SVEP1: variants seen among roughly 807,000 people sequenced by gnomAD.
SVEP1 encodes the protein sushi, von Willebrand factor type A, EGF and pentraxin domain containing 1.
A neutral mutation model predicts 367.3 loss-of-function variants in SVEP1; 164 were observed. The observed-to-expected ratio is 0.45, with a 90% confidence interval of 0.39 to 0.51. The LOEUF (loss-of-function observed/expected upper bound fraction) is 0.51, where lower values mean the gene tolerates loss of function less well. SVEP1 is among the 20% of genes least tolerant of loss of function. The pLI is 0.00. For missense variants in SVEP1, 4,117 were observed against 4,425.3 expected, an observed-to-expected ratio of 0.93 and a Z score of 1.98; for synonymous variants, 1,666 against 1,611.6, an observed-to-expected ratio of 1.03 and a Z score of -0.81.
chr9:110,463,770 A>G (rs890954300), intron 18 of SVEP1, among the ~76,000 whole-genome samples: 1 of 152,020 alleles, frequency 6.6e-6, no homozygotes, highest in African/African-American at 2.4e-5. Context: ...AAAGGAGTTA[A>G]AAACTAACAA....
intron 18 of SVEP1, among the ~76,000 whole-genome samples, chr9:110,459,411 T>C (rs1828824933): frequency 6.6e-6 from 1 of 152,194 alleles, no homozygotes; most frequent in Admixed American, 6.5e-5. Flanking sequence ...GATTATTGAA[T>C]AGTATAGATT....
intron 1 of SVEP1, among the ~76,000 whole-genome samples, chr9:110,574,246 A>T (rs1304586986): frequency 6.6e-6 from 1 of 152,372 alleles, no homozygotes; most frequent in African/African-American, 2.4e-5. Context: ...CAGTGTGCCT[A>T]TGCACCATAC....
chr9:110,499,297 G>A, intron 6 of SVEP1, 59 bp from the exon 7 acceptor site: 1 of 1,496,210 alleles, frequency 6.7e-7, no homozygotes, highest in Non-Finnish European at 9.1e-7. Flanking sequence ...AAATGCCATG[G>A]ATTCTTTTTA....
chr9:110,578,928 G>C (rs919903739), intron 1 of SVEP1, 85 bp downstream of exon 1: 14 of 1,461,498 alleles, frequency 9.6e-6, no homozygotes, highest in Non-Finnish European at 1.2e-5. Context: ...GCCCAGGACT[G>C]AACCCCGGGA....
At chr9:110,425,544 T>C (rs1828241001) in intron 36 of SVEP1, among the ~76,000 whole-genome samples, 1 of 152,232 alleles carries the variant, frequency 6.6e-6, no homozygotes, top group Admixed American at 6.5e-5. Context: ...TAATACTTCT[T>C]CTGCCAAACT....
At chr9:110,513,689 G>A (rs944953785) in intron 4 of SVEP1, among the ~76,000 whole-genome samples, 9 of 152,016 alleles carry the variant, frequency 5.9e-5, no homozygotes, top group Non-Finnish European at 1.0e-4. Flanking sequence ...CATTTTAAAT[G>A]TTTTCCAAGT....
Position 110,558,333 on chromosome 9 carries a change from C to CAA in SVEP1, c.532-8231_532-8230dup, listed in dbSNP as rs60516091. 7.1e-3 allele frequency among the ~76,000 whole-genome samples: 629 copies of CAA among 88,312 alleles called. 6 individuals carry two copies. The highest frequency in any genetic ancestry group is 0.02 in the South Asian group (53 of 2,592). 57.9% of individuals were successfully genotyped at this position (88,312 alleles called of 152,430 possible). ...GCAACATGGAGAAACCCTGTCTCTA[C>CAA]AAAAAAAAAAAAAAAAAAAAATTGC... On this transcript the variant is annotated intron_variant, in intron 1 of 47. Transcript: ENST00000374469.
intron 40 of SVEP1, among the ~76,000 whole-genome samples, chr9:110,390,353 A>AG (rs1554710777): frequency 5.8e-5 from 3 of 51,500 alleles, no homozygotes; most frequent in East Asian, 3.1e-4. Context: ...ATATACACTT[A>AG]TATATATATA....
At chr9:110,472,746 T>C (rs1296867653) in intron 14 of SVEP1, among the ~76,000 whole-genome samples, 2 of 152,226 alleles carry the variant, frequency 1.3e-5, no homozygotes, top group Non-Finnish European at 2.9e-5. Context: ...TATACATAAA[T>C]AGATCTCCTC....
At chr9:110,543,299 T>C (rs1830176534) in intron 3 of SVEP1, among the ~76,000 whole-genome samples, 1 of 152,152 alleles carries the variant, frequency 6.6e-6, no homozygotes, top group African/African-American at 2.4e-5. Context: ...CTATATAATT[T>C]AAATCTTGTA....
At position 110,566,752 on chromosome 9, in the gene SVEP1, G is replaced by T. The variant is rs74792194; in HGVS notation, c.531+12261C>A. ...TGCAATATTGAGGAGAACATTACAGGAGTGGTTAAAGGGCAGTTGTGACAG... is the reference window on the plus strand; with the variant it reads ...TGCAATATTGAGGAGAACATTACAGTAGTGGTTAAAGGGCAGTTGTGACAG... On this transcript the variant is annotated intron_variant, in intron 1 of 47. Coordinates refer to ENST00000374469, the MANE Select transcript of SVEP1 (RefSeq NM_153366.4). Among the ~76,000 whole-genome samples, 689 of 152,324 alleles carry T rather than the reference G, an allele frequency of 4.5e-3. 3 individuals are homozygous for T. Among genetic ancestry groups the T allele is most frequent in the Middle Eastern group, 0.01 (3 of 294 alleles).
Position 110,408,437 on chromosome 9 carries a change from G to C in SVEP1, c.7163C>G (p.Ser2388Cys), listed in dbSNP as rs1588039078. ...AGAAGAAGGAATGGGGACACCAAAG[G>C]AAATTAGGGGAGGTGGGGTACAAAG... ...IVLCTPPPLI[S>C]FGVPIPSSAL... Residue 2388 changes from serine (S) to cysteine (C), a missense_variant, in exon 38 of 48, where the codon TCC (serine) becomes TGC (cysteine). Ser to Cys is a moderately radical substitution (Grantham distance 112). This residue lies in a region of SVEP1 where 1,765 missense variants were observed against 1,781.1 expected (regional missense o/e 0.99). Transcript: ENST00000374469. 6.2e-7 allele frequency: 1 copy of C among 1,613,998 alleles called. No homozygotes were observed. The highest frequency in any genetic ancestry group is 8.5e-7 in the Non-Finnish European group (1 of 1,179,892).
chr9:110,470,818 G>A (rs533962730), intron 16 of SVEP1, among the ~76,000 whole-genome samples: 1 of 151,102 alleles, frequency 6.6e-6, no homozygotes, highest in Admixed American at 6.6e-5. Context: ...TAGGGTACCT[G>A]TGCACAACGT....
chr9:110,403,255 A>G (rs1827890047), intron 39 of SVEP1, among the ~76,000 whole-genome samples: 1 of 140,864 alleles, frequency 7.1e-6, no homozygotes, highest in African/African-American at 2.8e-5. Context: ...GGGCTAGGAA[A>G]GTCTGCTGTC....
In SVEP1 at chr9:110,423,742, C is replaced by T. The variant is rs959595594; in HGVS notation, c.5975+3849G>A. Among the ~76,000 whole-genome samples, 6 of 152,174 alleles carry T rather than the reference C, an allele frequency of 3.9e-5. No individual in the cohort carries two copies. The South Asian group carries it at 1.2e-3, about 32-fold the overall frequency. ...GCCACAGATAAGCAGAATATCTTTG[C>T]AACTCATGTAATAAAAAAGGGATTG... On this transcript the variant is annotated intron_variant, in intron 36 of 47. Transcript: ENST00000374469.
chr9:110,434,226 G>T, intron 30 of SVEP1, 110 bp downstream of exon 30: 1 of 1,183,226 alleles, frequency 8.5e-7, no homozygotes, highest in Non-Finnish European at 1.2e-6. Flanking sequence ...TGAATATTTG[G>T]TATATTTGCT....
At chr9:110,519,336 A>G (rs1317143818) in intron 3 of SVEP1, among the ~76,000 whole-genome samples, 1 of 152,152 alleles carries the variant, frequency 6.6e-6, no homozygotes, top group Admixed American at 6.6e-5. Flanking sequence ...TGTGCCAGAT[A>G]GATGCTCTGG....
intron 8 of SVEP1, among the ~76,000 whole-genome samples, chr9:110,492,762 G>A (rs1305162129): frequency 6.6e-6 from 1 of 152,104 alleles, no homozygotes; most frequent in Middle Eastern, 3.2e-3. Context: ...ACATTGGCAG[G>A]GGGAAGGGGG....
intron 1 of SVEP1, among the ~76,000 whole-genome samples, chr9:110,554,162 T>C (rs765380412): frequency 4.0e-5 from 6 of 150,534 alleles, no homozygotes; most frequent in Non-Finnish European, 7.4e-5. Flanking sequence ...TCGGCTGCTA[T>C]AGCTTTATAC....
Sources: gnomAD v4.1 joint callset for allele counts (sites outside exome capture counted in the v4.1 genomes callset) on GRCh38, gnomAD v4.1.1 for gene constraint, gnomAD v4.1.1 regional missense constraint, MANE v1.5 for transcripts, NCBI Gene and HGNC (gene_info 2026-07-23, HGNC 2026-07-21) for gene names.